The following PCDH15 variants were observed in gnomAD, a reference collection of about 807,000 sequenced individuals.
The protein encoded by PCDH15 is protocadherin related 15.
PCDH15 carries 129 observed loss-of-function variants against 178.5 expected under a neutral mutation model. The ratio of observed to expected loss-of-function variants is 0.72; its 90% CI spans 0.63 to 0.84. PCDH15 has a LOEUF of 0.84. Among genes scored for constraint, PCDH15 ranks in the 40% least tolerant of loss-of-function variants. The probability of loss-of-function intolerance (pLI) is 0.00; values close to 1 mark genes in which losing one functional copy is unlikely to be tolerated. For missense variants in PCDH15, 2,230 were observed against 2,099.9 expected, an observed-to-expected ratio of 1.06 and a Z score of -1.21; for synonymous variants, 800 against 732.0, an observed-to-expected ratio of 1.09 and a Z score of -1.50.
intron 1 of PCDH15, among the ~76,000 whole-genome samples, chr10:54,749,453 G>A (rs1022538214): frequency 6.6e-6 from 1 of 152,072 alleles, no homozygotes; most frequent in Non-Finnish European, 1.5e-5. Flanking sequence ...GAAGCCACAA[G>A]AAGATAATTT....
chr10:54,339,835 C>T (rs1331972286), intron 6 of PCDH15, among the ~76,000 whole-genome samples: 3 of 152,172 alleles, frequency 2.0e-5, no homozygotes, highest in Admixed American at 2.0e-4. Context: ...TTGTCTTCAG[C>T]AACAATCGTA....
intron 1 of PCDH15, among the ~76,000 whole-genome samples, chr10:55,237,704 A>G (rs1282522995): frequency 1.3e-5 from 2 of 152,114 alleles, no homozygotes; most frequent in Admixed American, 6.6e-5. Flanking sequence ...TGATTGGATG[A>G]TACTTATTAT....
At chr10:55,011,062 T>C (rs1478854519) in intron 2 of PCDH15, among the ~76,000 whole-genome samples, 1 of 151,920 alleles carries the variant, frequency 6.6e-6, no homozygotes, top group African/African-American at 2.4e-5. Context: ...AGGATAAAAA[T>C]ATATCAAGAG....
At chr10:54,464,333 G>T (rs564600670) in intron 3 of PCDH15, among the ~76,000 whole-genome samples, 1 of 152,180 alleles carries the variant, frequency 6.6e-6, no homozygotes, top group African/African-American at 2.4e-5. Context: ...TTTTCAAAAA[G>T]TTCGAAACAG....
chr10:54,754,611 T>TGATGACACTG (rs1400410620), intron 1 of PCDH15, among the ~76,000 whole-genome samples: 4 of 152,128 alleles, frequency 2.6e-5, no homozygotes, highest in African/African-American at 9.7e-5. Context: ...TGATATAAAG[T>TGATGACACTG]ACATCATTTA....
intron 2 of PCDH15, among the ~76,000 whole-genome samples, chr10:55,474,410 A>T (rs970203651): frequency 6.6e-6 from 1 of 152,204 alleles, no homozygotes; most frequent in Non-Finnish European, 1.5e-5. Flanking sequence ...GAGAAAAAAT[A>T]AAATCTTAGT....
intron 2 of PCDH15, among the ~76,000 whole-genome samples, chr10:55,562,588 T>C (rs533259099): frequency 6.6e-6 from 1 of 151,962 alleles, no homozygotes; most frequent in Non-Finnish European, 1.5e-5. Context: ...TACCTGAGCA[T>C]ACCAAGTCCT....
chr10:55,098,895 T>TGA (rs10535301), intron 2 of PCDH15, among the ~76,000 whole-genome samples: 1,415 of 120,240 alleles, frequency 0.012, 62 homozygotes, highest in African/African-American at 0.037. Flanking sequence ...AAAACTTCAA[T>TGA]GAGAGAGAGA....
rs546292618 is a variant in PCDH15, at chr10:54,088,403, T to C, written c.1997+1581A>G. Among the ~76,000 whole-genome samples the C allele has an allele frequency of 1.3e-5, 2 of 152,324 alleles. 1 individual carries two copies. Among genetic ancestry groups the C allele is most frequent in the South Asian group, 4.1e-4 (2 of 4,832 alleles). On this transcript the variant is annotated intron_variant, in intron 16 of 37. Transcript: ENST00000644397. ...AAATATTTTGCCCATTTTAATTAGA[T>C]TATTTCTCTTTATTAAGTTGTAACA...
At chr10:55,132,398 A>C (rs1171867133) in intron 2 of PCDH15, among the ~76,000 whole-genome samples, 1 of 152,220 alleles carries the variant, frequency 6.6e-6, no homozygotes, top group Admixed American at 6.6e-5. Context: ...TTTGTAAAAT[A>C]GTAATTCCTA....
intron 2 of PCDH15, among the ~76,000 whole-genome samples, chr10:54,962,998 C>G (rs909203977): frequency 2.0e-5 from 3 of 152,282 alleles, no homozygotes; most frequent in African/African-American, 7.2e-5. Flanking sequence ...ACAGGCTTGA[C>G]TACTAAATTC....
At chr10:55,401,553 G>A (rs1283564206) in intron 2 of PCDH15, among the ~76,000 whole-genome samples, 1 of 150,096 alleles carries the variant, frequency 6.7e-6, no homozygotes, top group South Asian at 2.1e-4. Flanking sequence ...GATCACTAAC[G>A]GACATGACTT....
intron 1 of PCDH15, among the ~76,000 whole-genome samples, chr10:55,232,288 A>G (rs566540131): frequency 6.6e-6 from 1 of 152,202 alleles, no homozygotes; most frequent in African/African-American, 2.4e-5. Context: ...ATTCAGTGTT[A>G]ACATTCATGG....
At chr10:54,699,419 C>T (rs1352626482) in intron 1 of PCDH15, among the ~76,000 whole-genome samples, 4 of 152,074 alleles carry the variant, frequency 2.6e-5, no homozygotes, top group Admixed American at 2.6e-4. Flanking sequence ...TTAAGTGACT[C>T]TATCAAGACC....
intron 2 of PCDH15, among the ~76,000 whole-genome samples, chr10:55,366,922 C>CGTGTGTGT (rs34339947): frequency 0.18 from 26,380 of 150,072 alleles, 2,311 homozygotes; most frequent in South Asian, 0.21. Flanking sequence ...CATTTGTTTG[C>CGTGTGTGT]GTGTGTGTGT....
At chr10:55,070,414 C>G (rs1337971064) in intron 2 of PCDH15, among the ~76,000 whole-genome samples, 26 of 151,820 alleles carry the variant, frequency 1.7e-4, no homozygotes, top group Non-Finnish European at 1.9e-4. Context: ...GGTTTTAGGT[C>G]TAACGTTTAA....
At chr10:54,551,888 G>T (rs1348336275) in intron 2 of PCDH15, among the ~76,000 whole-genome samples, 1 of 152,000 alleles carries the variant, frequency 6.6e-6, no homozygotes, top group African/African-American at 2.4e-5. Context: ...AGAAACTCAT[G>T]TGTTTTCATA....
At position 55,116,613 on chromosome 10, in the gene PCDH15, C is replaced by T. The variant is rs186111544; in HGVS notation, c.-80+49963G>A. Among the ~76,000 whole-genome samples the T allele has an allele frequency of 4.6e-5, 7 of 152,180 alleles. No homozygotes were observed. In the East Asian group the frequency reaches 9.7e-4, roughly 21 times the overall value. On this transcript the variant is annotated intron_variant, in intron 2 of 5. Transcript: ENST00000458638. The stretch of plus-strand genomic sequence containing the variant: ...TGGTGCAGGCAATATAGATGCTTGC[C>T]GTGATTCTGCTACTTAGGAAATCTT...
intron 9 of PCDH15, among the ~76,000 whole-genome samples, chr10:54,234,115 G>C (rs2134349335): frequency 6.7e-6 from 1 of 149,582 alleles, no homozygotes; most frequent in African/African-American, 2.5e-5. Context: ...TGAAGTCAGA[G>C]TCATGGATAT....
Sources: allele counts gnomAD v4.1 joint callset (sites outside exome capture counted in the v4.1 genomes callset), GRCh38; gene constraint gnomAD v4.1.1; transcripts MANE v1.5; gene names NCBI Gene and HGNC (gene_info 2026-07-23, HGNC 2026-07-21).